The following MUC12 variants were observed in gnomAD, a reference collection of about 807,000 sequenced individuals.
The protein encoded by MUC12 is mucin 12, cell surface associated.
Under a neutral mutation model 230.8 loss-of-function variants are expected in MUC12, and 172 were observed. That is an observed-to-expected ratio of 0.75 (90% confidence interval 0.66 to 0.85). The LOEUF is 0.85. MUC12 is among the 40% of genes least tolerant of loss of function. The pLI is 0.00. For synonymous variants in MUC12, 1,259 were observed against 2,401.9 expected (o/e 0.52, Z 13.91); for missense variants, 3,506 against 5,920.6 (o/e 0.59, Z 13.38).
rs1238735886 is a variant in MUC12, at chr7:100,995,787, A to C, written c.5224A>C (p.Thr1742Pro). Residue 1742 changes from threonine (T) to proline (P), a missense_variant, in exon 2 of 12, where the codon ACA becomes CCA. Coordinates refer to ENST00000536621, the MANE Select transcript of MUC12 (RefSeq NM_001164462.2). ...STTLGRSEESTTVHSSPVATA... is the reference protein window; with the variant it reads ...STTLGRSEESPTVHSSPVATA... Reference sequence around the variant, plus strand: ...AACCTTGGGCCGTAGTGAGGAATCGACAACAGTCCACAGCAGCCCAGTTGC... The same window carrying C: ...AACCTTGGGCCGTAGTGAGGAATCGCCAACAGTCCACAGCAGCCCAGTTGC... 10 of 1,514,650 alleles carry C rather than the reference A, an allele frequency of 6.6e-6. No homozygotes were observed. In the Admixed American group the frequency reaches 8.0e-5, roughly 12 times the overall value. The allele number at this position is 1,514,650 out of a possible 1,614,324, so 93.8% of individuals were successfully genotyped here.
rs1793680021 is a variant in MUC12 at position 101,004,100 on chromosome 7, GTTC to G, written c.13543_13545del (p.Leu4515del). ...CCTACCTGCCCGCTCCACAACCTCA[GTTC>G]TTCTTGGAGAATCTACGACCTCACC... On this transcript the variant is annotated inframe_deletion, in exon 2 of 12. Transcript: ENST00000536621. 1.2e-5 allele frequency: 12 copies of G among 989,840 alleles called. No homozygotes were observed. The East Asian group carries it at 1.4e-4, about 12-fold the overall frequency. 61.3% of individuals were successfully genotyped at this position (989,840 alleles called of 1,614,324 possible).
intron 1 of MUC12, chr7:100,972,043 C>G (rs1176278094): frequency 8.5e-6 from 6 of 702,068 alleles, no homozygotes; most frequent in Non-Finnish European, 1.3e-5. Context: ...GGAGTGAGGC[C>G]AGGCAAGTAG....
intron 1 of MUC12, among the ~76,000 whole-genome samples, chr7:100,985,426 C>G (rs1793173269): frequency 6.6e-6 from 1 of 152,172 alleles, no homozygotes; most frequent in Non-Finnish European, 1.5e-5. Context: ...TAGCCTCCAG[C>G]TGCATGGCTC....
chr7:100,985,925 T>C (rs934214857), intron 1 of MUC12, among the ~76,000 whole-genome samples: 4 of 152,268 alleles, frequency 2.6e-5, no homozygotes, highest in Admixed American at 2.6e-4. Context: ...TCTCTGACCC[T>C]TGTATTCAGG....
chr7:100,973,858 A>T (rs1290275501), intron 1 of MUC12, among the ~76,000 whole-genome samples: 3 of 152,082 alleles, frequency 2.0e-5, no homozygotes, highest in Non-Finnish European at 4.4e-5. Context: ...ATCTCTAAAA[A>T]AAAAAAAAAA....
At position 101,002,823 on chromosome 7, in the gene MUC12, G is replaced by C. The variant is rs1468427661; in HGVS notation, c.12260G>C (p.Ser4087Thr). Reference sequence around the variant, plus strand: ...ACTTTCCAGAGCTGGCCAAGCTCAAGTGACACAACACCTTCACCTCCCAGC... The same window carrying C: ...ACTTTCCAGAGCTGGCCAAGCTCAACTGACACAACACCTTCACCTCCCAGC... ...STTFQSWPSS[S>T]DTTPSPPSTT... The change falls in exon 2 of 12, where the codon AGT (serine) becomes ACT (threonine). Residue 4087 changes from serine (S) to threonine (T), a missense_variant. Physicochemically the swap from Ser to Thr is moderately conservative, Grantham distance 58. Coordinates refer to ENST00000536621, the MANE Select transcript of MUC12 (RefSeq NM_001164462.2). 20 of 1,143,386 alleles carry C rather than the reference G, an allele frequency of 1.7e-5. No homozygotes were observed. The African/African-American group carries it at 3.2e-4, about 18-fold the overall frequency. 70.8% of individuals were successfully genotyped at this position (1,143,386 alleles called of 1,614,324 possible). A position where few individuals can be genotyped will look rare whatever the true frequency, so the allele number is the denominator to read the frequency against.
chr7:100,970,471 G>C (rs1261621954), intron 1 of MUC12, among the ~76,000 whole-genome samples: 33 of 129,410 alleles, frequency 2.6e-4, no homozygotes, highest in African/African-American at 9.6e-4. Flanking sequence ...TGGGCGATAA[G>C]AGCAAAACAC....
At chr7:101,011,231 CT>C (rs1019425572) in intron 5 of MUC12, among the ~76,000 whole-genome samples, 5 of 152,118 alleles carry the variant, frequency 3.3e-5, no homozygotes, top group African/African-American at 1.2e-4. Context: ...AACCTTGCCC[CT>C]GGCTCAGCGT....
At position 101,013,002 on chromosome 7, in the gene MUC12, C is replaced by T. The variant is rs760780312; in HGVS notation, c.15498C>T (p.Ala5166=). The part of the protein sequence containing the change: ...DFQEQCTQKA[A]EGYTQFYYVD... ...CAGAGCAATGCACCCAGAAGGCTGCCGAAGGATATACCCAGTTCTACTATG... is the reference window on the plus strand; with the variant it reads ...CAGAGCAATGCACCCAGAAGGCTGCTGAAGGATATACCCAGTTCTACTATG... The change falls in exon 8 of 12, where the codon GCC becomes GCT. Residue 5166 remains alanine (A), a synonymous_variant. Coordinates refer to ENST00000536621, the MANE Select transcript of MUC12 (RefSeq NM_001164462.2). 962 of 1,537,148 alleles carry T rather than the reference C, an allele frequency of 6.3e-4. No homozygotes were observed. The highest frequency in any genetic ancestry group is 8.0e-4 in the Non-Finnish European group (919 of 1,146,924).
chr7:101,017,707 C>T (rs1329653768), intron 11 of MUC12, 44 bp downstream of exon 11: 18 of 1,421,894 alleles, frequency 1.3e-5, no homozygotes, highest in Non-Finnish European at 1.7e-5. Flanking sequence ...GGCTGCTCCA[C>T]TTCCTCTGGG....
At chr7:101,017,732 CGGGACTCCCTTCTCCCCCT>C (rs200258005) in intron 11 of MUC12, 69 bp downstream of exon 11, 20,000 of 1,133,302 alleles carry the variant, frequency 0.018, 1,239 homozygotes, top group East Asian at 0.14. Flanking sequence ...CCTCTTCCCC[CGGGACTCCCTTCTCCCCCT>C]GGGACTCCCT....
intron 1 of MUC12, chr7:100,981,458 T>C: frequency 1.8e-6 from 1 of 556,110 alleles, no homozygotes; most frequent in Non-Finnish European, 3.2e-6. Context: ...GGGCTCCCAC[T>C]TAGTGAGCAG....
rs555783915 is a variant in MUC12 at position 100,992,511 on chromosome 7, A to C, written c.1948A>C (p.Thr650Pro). ...GGACACTAGGCCTGCACCTCCTACT[A>C]CCACATCAGCCTTTGTTGAGCCATC... ...SKDTRPAPPT[T>P]TSAFVEPSTT... is the part of the protein sequence containing the mutation. Residue 650 changes from threonine (T) to proline (P), a missense_variant, in exon 2 of 12, where the codon ACC (threonine) becomes CCC (proline). By Grantham distance (38) the Thr-to-Pro change is conservative. Coordinates refer to ENST00000536621, the MANE Select transcript of MUC12 (RefSeq NM_001164462.2). 8.6e-5 allele frequency: 133 copies of C among 1,537,894 alleles called. No individual in the cohort carries two copies. The East Asian group carries it at 2.2e-3, about 26-fold the overall frequency.
At chr7:100,981,960 G>A (rs558860105) in intron 1 of MUC12, among the ~76,000 whole-genome samples, 129 of 147,598 alleles carry the variant, frequency 8.7e-4, no homozygotes, top group Non-Finnish European at 1.0e-3. Flanking sequence ...TATGCCTCCC[G>A]GGTTCAAGCG....
At position 101,005,157 on chromosome 7, in the gene MUC12, T is replaced by A; in HGVS notation, c.14594T>A (p.Phe4865Tyr). 6.5e-7 allele frequency: 1 copy of A among 1,537,604 alleles called. No individual in the cohort carries two copies. Among genetic ancestry groups the A allele is most frequent in the Non-Finnish European group, 8.7e-7 (1 of 1,146,994 alleles). Residue 4865 changes from phenylalanine to tyrosine, a missense_variant, in exon 2 of 12, where the codon TTT becomes TAT. Physicochemically the swap from Phe to Tyr is conservative, Grantham distance 22. Coordinates refer to ENST00000536621, the MANE Select transcript of MUC12 (RefSeq NM_001164462.2). ...CCAGGCTCAACTGAAACCACAGCGTTTTCTCACAGCAACACAATGTCCATT... is the reference window on the plus strand; with the variant it reads ...CCAGGCTCAACTGAAACCACAGCGTATTCTCACAGCAACACAATGTCCATT... ...SSPGSTETTA[F>Y]SHSNTMSIHS...
Position 101,004,587 on chromosome 7 carries a change from C to G in MUC12, c.14024C>G (p.Thr4675Arg). Reference protein sequence around the residue: ...IATTHFPESSTTSGRSEESTA... With the variant: ...IATTHFPESSRTSGRSEESTA... ...ACAACACACTTTCCTGAGAGCTCCACAACCTCCGGCCGTAGTGAGGAATCA... is the reference window on the plus strand; with the variant it reads ...ACAACACACTTTCCTGAGAGCTCCAGAACCTCCGGCCGTAGTGAGGAATCA... The change falls in exon 2 of 12, where the codon ACA becomes AGA. Residue 4675 changes from threonine (T) to arginine (R), a missense_variant. Physicochemically the swap from Thr to Arg is moderately conservative, Grantham distance 71 (BLOSUM62 -1). Coordinates refer to ENST00000536621, the MANE Select transcript of MUC12 (RefSeq NM_001164462.2). 2.6e-6 allele frequency: 4 copies of G among 1,537,512 alleles called. No individual in the cohort carries two copies. Among genetic ancestry groups the G allele is most frequent in the South Asian group, 1.2e-5 (1 of 84,048 alleles).
At position 100,978,671 on chromosome 7, in the gene MUC12, C is replaced by T. The variant is rs1793065255; in HGVS notation, c.67+8982C>T. 3.3e-5 allele frequency among the ~76,000 whole-genome samples: 5 copies of T among 152,208 alleles called. No individual in the cohort carries two copies. The South Asian group carries it at 1.0e-3, about 32-fold the overall frequency. Reference sequence around the variant, plus strand: ...ATTTTGTCACAAGCAGAAATATGTCCTGGAGGTGGCAGGAGGAGACAGTTT... The same window carrying T: ...ATTTTGTCACAAGCAGAAATATGTCTTGGAGGTGGCAGGAGGAGACAGTTT... On this transcript the variant is annotated intron_variant, in intron 1 of 11. Coordinates refer to ENST00000536621, the MANE Select transcript of MUC12 (RefSeq NM_001164462.2).
intron 1 of MUC12, chr7:100,972,850 G>A: frequency 1.4e-6 from 1 of 702,508 alleles, no homozygotes; most frequent in South Asian, 1.5e-5. Flanking sequence ...GCTTTTCTGG[G>A]TACTCCAGGG....
rs1403845629 is a variant in MUC12 at position 101,013,160 on chromosome 7, C to A, written c.15638+18C>A. ...CGCTGCCTGTGAGTGTCCCCATAAG[C>A]CCAGCACCCACTCTGTCCTGGTGAT... On this transcript the variant is annotated intron_variant, in intron 8 of 11. Coordinates refer to ENST00000536621, the MANE Select transcript of MUC12 (RefSeq NM_001164462.2). 6.5e-7 allele frequency: 1 copy of A among 1,536,976 alleles called. No individual in the cohort carries two copies. The highest frequency in any genetic ancestry group is 1.2e-5 in the South Asian group (1 of 84,030).
Sources: gnomAD v4.1 joint callset for allele counts (sites outside exome capture counted in the v4.1 genomes callset) on GRCh38, gnomAD v4.1.1 for gene constraint, MANE v1.5 for transcripts, NCBI Gene and HGNC (gene_info 2026-07-23, HGNC 2026-07-21) for gene names.